Variants in ACSM4 observed in about 807,000 individuals in gnomAD.
ACSM4 encodes acyl-CoA synthetase medium chain family member 4.
ACSM4 carries 66 observed loss-of-function variants against 73.0 expected under a neutral mutation model. The observed-to-expected ratio is 0.90, with a 90% confidence interval of 0.74 to 1.11. The LOEUF (loss-of-function observed/expected upper bound fraction) is 1.11, where lower values mean the gene tolerates loss of function less well. Among genes scored for constraint, ACSM4 ranks in the 50% least tolerant of loss-of-function variants. The pLI, the probability that ACSM4 is intolerant of heterozygous loss-of-function variation, is 0.00. For synonymous variants in ACSM4, 222 were observed against 254.0 expected, an observed-to-expected ratio of 0.87 and a Z score of 1.20; for missense variants, 645 against 714.4, an observed-to-expected ratio of 0.90 and a Z score of 1.11.
In ACSM4 at chr12:7,322,515, T is replaced by C. The variant is rs1344113716; in HGVS notation, c.1099T>C (p.Tyr367His). 1.2e-6 allele frequency: 2 copies of C among 1,613,830 alleles called. No homozygotes were observed. Among genetic ancestry groups the C allele is most frequent in the Non-Finnish European group, 1.7e-6 (2 of 1,179,822 alleles). Residue 367 changes from tyrosine (Y) to histidine (H), a missense_variant, in exon 7 of 13, where the codon TAT becomes CAT. By Grantham distance (83) the Tyr-to-His change is moderately conservative. Coordinates refer to ENST00000399422, the MANE Select transcript of ACSM4 (RefSeq NM_001080454.2). Reference sequence around the variant, plus strand: ...GAGGGTGCAAACTGGGCTGGAGCTATATGAGGGCTATGGACAGACGGAAGT... The same window carrying C: ...GAGGGTGCAAACTGGGCTGGAGCTACATGAGGGCTATGGACAGACGGAAGT... ...QWRVQTGLEL[Y>H]EGYGQTEVGM...
rs1024662214 is a variant in ACSM4 at position 7,304,670 on chromosome 12, C to A, written c.201+138C>A. 1.7e-5 allele frequency: 16 copies of A among 935,162 alleles called. No homozygotes were observed. The East Asian group carries it at 2.1e-4, about 12-fold the overall frequency. The allele number at this position is 935,162 out of a possible 1,614,324, so 57.9% of individuals were successfully genotyped here. The stretch of plus-strand genomic sequence containing the variant: ...GTTTCCTTTGTTTGTTTTCCAATTG[C>A]CCTCCCCTCTCCCCAGGGAAGATCT... On this transcript the variant is annotated intron_variant, in intron 1 of 12. Coordinates refer to ENST00000399422, the MANE Select transcript of ACSM4 (RefSeq NM_001080454.2).
At chr12:7,306,420 T>C in intron 1 of ACSM4, 113 bp from the exon 2 acceptor site, 1 of 987,172 alleles carries the variant, frequency 1.0e-6, no homozygotes, top group East Asian at 2.6e-5. Context: ...CTCAGGGCGC[T>C]GTTAGCAGAA....
Position 7,318,147 on chromosome 12 carries a change from C to G in ACSM4, c.886C>G (p.Arg296Gly), listed in dbSNP as rs905195502. 5 of 1,613,516 alleles carry G rather than the reference C, an allele frequency of 3.1e-6. No individual in the cohort carries two copies. In the African/African-American group the frequency reaches 5.3e-5, roughly 17 times the overall value. Residue 296 changes from arginine (R) to glycine (G), a missense_variant, in exon 5 of 13, where the codon CGA (arginine) becomes GGA (glycine). Arg to Gly is a moderately radical substitution (Grantham distance 125, BLOSUM62 -2). Transcript: ENST00000399422. ...WLCGACVFVH[R>G]MAQFDTDTFL... ...GTGTGGAGCCTGTGTTTTTGTGCATCGAATGGCACAGTTTGACACTGACAC... is the reference window on the plus strand; with the variant it reads ...GTGTGGAGCCTGTGTTTTTGTGCATGGAATGGCACAGTTTGACACTGACAC...
chr12:7,319,734 TCTTA>T (rs1377036398), intron 5 of ACSM4, among the ~76,000 whole-genome samples: 4 of 152,088 alleles, frequency 2.6e-5, no homozygotes, highest in African/African-American at 9.7e-5. Flanking sequence ...GGTTAAAAGG[TCTTA>T]CTTAACATAA....
Position 7,306,695 on chromosome 12 carries a change from C to A in ACSM4, c.364C>A (p.Pro122Thr). Residue 122 changes from proline (P) to threonine (T), a missense_variant, in exon 2 of 13, where the codon CCC (proline) becomes ACC (threonine). Pro to Thr is a conservative substitution (Grantham distance 38). Coordinates refer to ENST00000399422, the MANE Select transcript of ACSM4 (RefSeq NM_001080454.2). ...QRGDRLAVIL[P>T]RIPEWWLVNV... ...AGGAGACCGTTTGGCCGTGATTCTGCCCAGAATCCCTGAGTGGTGGCTGGT... is the reference window on the plus strand; with the variant it reads ...AGGAGACCGTTTGGCCGTGATTCTGACCAGAATCCCTGAGTGGTGGCTGGT... The A allele has an allele frequency of 1.2e-6, 2 of 1,611,694 alleles. No individual in the cohort carries two copies. Among genetic ancestry groups the A allele is most frequent in the East Asian group, 4.5e-5 (2 of 44,710 alleles).
intron 7 of ACSM4, among the ~76,000 whole-genome samples, 182 bp downstream of exon 7, chr12:7,322,723 A>G (rs765777279): frequency 7.9e-5 from 12 of 152,124 alleles, no homozygotes; most frequent in Non-Finnish European, 1.3e-4. Flanking sequence ...ATGAAGGAGA[A>G]TGATGATTAT....
At position 7,304,310 on chromosome 12, in the gene ACSM4, T is replaced by C. The variant is rs774771668; in HGVS notation, c.-22T>C. 16 of 1,611,496 alleles carry C rather than the reference T, an allele frequency of 9.9e-6. 1 individual carries two copies. The highest frequency in any genetic ancestry group is 1.3e-5 in the Non-Finnish European group (15 of 1,177,854). On this transcript the variant is annotated 5_prime_UTR_variant, in exon 1 of 13. Transcript: ENST00000399422. ...TGTAGTACTTCTGTGTCCATAGCAGTAGACAAAGTCCTTTGGGAACCATGA... is the reference window on the plus strand; with the variant it reads ...TGTAGTACTTCTGTGTCCATAGCAGCAGACAAAGTCCTTTGGGAACCATGA...
intron 2 of ACSM4, among the ~76,000 whole-genome samples, chr12:7,308,400 A>G (rs1408750126): frequency 6.6e-6 from 1 of 152,208 alleles, no homozygotes; most frequent in Non-Finnish European, 1.5e-5. Flanking sequence ...GTGAGATTAT[A>G]TTTTCTAACT....
intron 3 of ACSM4, among the ~76,000 whole-genome samples, chr12:7,311,057 T>C (rs957106927): frequency 2.4e-4 from 37 of 152,002 alleles, no homozygotes; most frequent in Non-Finnish European, 3.5e-4. Context: ...TCCTAATTAC[T>C]CAGGAGGCTG....
chr12:7,320,189 T>C (rs1020403070), intron 5 of ACSM4, among the ~76,000 whole-genome samples: 2 of 152,214 alleles, frequency 1.3e-5, no homozygotes, highest in African/African-American at 4.8e-5. Context: ...GGCCATATCT[T>C]ATTTAAGAAA....
rs202163180 is a variant in ACSM4 at position 7,304,472 on chromosome 12, A to G, written c.141A>G (p.Pro47=). ...DFEAINRCNR[P]LPKNFNFAAD... ...AAGCCATAAATCGCTGTAACAGGCC[A>G]TTGCCTAAAAACTTTAACTTTGCTG... The change falls in exon 1 of 13, where the codon CCA becomes CCG. Residue 47 remains proline (P), a synonymous_variant. Transcript: ENST00000399422. 20 of 1,613,870 alleles carry G rather than the reference A, an allele frequency of 1.2e-5. No homozygotes were observed. The Admixed American group carries it at 2.0e-4, about 16-fold the overall frequency.
intron 3 of ACSM4, among the ~76,000 whole-genome samples, chr12:7,316,834 A>T (rs1187584715): frequency 1.3e-5 from 2 of 152,206 alleles, no homozygotes; most frequent in African/African-American, 4.8e-5. Flanking sequence ...TGGAAAAAAA[A>T]TGTTACAATA....
intron 3 of ACSM4, among the ~76,000 whole-genome samples, chr12:7,313,267 T>A (rs894962264): frequency 6.6e-6 from 1 of 152,276 alleles, no homozygotes; most frequent in East Asian, 1.9e-4. Flanking sequence ...TCATATGGAT[T>A]TCAAATTGAA....
chr12:7,319,218 C>T (rs1565754247), intron 5 of ACSM4, among the ~76,000 whole-genome samples: 1 of 152,062 alleles, frequency 6.6e-6, no homozygotes, highest in Non-Finnish European at 1.5e-5. Context: ...ATGCACAGTT[C>T]ACAATAGGGT....
chr12:7,324,108 G>A (rs942949653), intron 9 of ACSM4, among the ~76,000 whole-genome samples, 165 bp from the exon 10 acceptor site: 5 of 151,868 alleles, frequency 3.3e-5, no homozygotes, highest in African/African-American at 1.2e-4. Flanking sequence ...AGCCCAGGAG[G>A]TCGAGGCTGC....
Position 7,322,534 on chromosome 12 carries a change from C to A in ACSM4, c.1118C>A (p.Thr373Lys). ...GLELYEGYGQ[T>K]EVGMICANQK... is the part of the protein sequence containing the mutation. The stretch of plus-strand genomic sequence containing the variant: ...GAGCTATATGAGGGCTATGGACAGA[C>A]GGAAGTGGTATATCTAAAGGGCATT... Residue 373 changes from threonine (T) to lysine (K), a missense_variant, in exon 7 of 13, where the codon ACG becomes AAG. Physicochemically the swap from Thr to Lys is moderately conservative, Grantham distance 78. Transcript: ENST00000399422. The A allele has an allele frequency of 6.2e-7, 1 of 1,613,256 alleles. No homozygotes were observed. Among genetic ancestry groups the A allele is most frequent in the Non-Finnish European group, 8.5e-7 (1 of 1,179,624 alleles).
Position 7,306,626 on chromosome 12 carries a change from C to G in ACSM4, c.295C>G (p.Arg99Gly). 4.4e-6 allele frequency: 7 copies of G among 1,605,398 alleles called. No individual in the cohort carries two copies. The South Asian group carries it at 7.8e-5, about 18-fold the overall frequency. The change falls in exon 2 of 13, where the codon CGA becomes GGA. Residue 99 changes from arginine (R) to glycine (G), a missense_variant. By Grantham distance (125) the Arg-to-Gly change is moderately radical. Transcript: ENST00000399422. The part of the protein sequence containing the change: ...WSFRELGSLS[R>G]KAANVLTKPC... ...CTTCAGAGAACTGGGCTCCTTGTCC[C>G]GAAAAGCTGCCAACGTGCTCACCAA... is the stretch of plus-strand genomic sequence containing the variant.
intron 12 of ACSM4, 124 bp from the exon 13 acceptor site, chr12:7,328,163 A>G: frequency 4.7e-6 from 3 of 644,950 alleles, no homozygotes; most frequent in East Asian, 3.3e-5. Flanking sequence ...AAATTCAATG[A>G]GCTTAGGCTA....
In ACSM4 at chr12:7,304,507, T is replaced by C. The variant is rs761757621; in HGVS notation, c.176T>C (p.Leu59Pro). 3.7e-6 allele frequency: 6 copies of C among 1,613,724 alleles called. No homozygotes were observed. Among genetic ancestry groups the C allele is most frequent in the African/African-American group, 1.3e-5 (1 of 75,058 alleles). The change falls in exon 1 of 13, where the codon CTG becomes CCG. Residue 59 changes from leucine (L) to proline (P), a missense_variant. Physicochemically the swap from Leu to Pro is moderately conservative, Grantham distance 98. Coordinates refer to ENST00000399422, the MANE Select transcript of ACSM4 (RefSeq NM_001080454.2). Reference sequence around the variant, plus strand: ...AACTTTAACTTTGCTGCAGATGTGCTGGACCAGTGGTCCCAAAAGGAGAAG... The same window carrying C: ...AACTTTAACTTTGCTGCAGATGTGCCGGACCAGTGGTCCCAAAAGGAGAAG... Reference protein sequence around the residue: ...PKNFNFAADVLDQWSQKEKTG... With the variant: ...PKNFNFAADVPDQWSQKEKTG...
Sources: allele counts gnomAD v4.1 joint callset (sites outside exome capture counted in the v4.1 genomes callset), GRCh38; gene constraint gnomAD v4.1.1; transcripts MANE v1.5; gene names NCBI Gene and HGNC (gene_info 2026-07-23, HGNC 2026-07-21).